IQGAP2: variants seen among roughly 807,000 people sequenced by gnomAD.
The protein encoded by IQGAP2 is IQ motif containing GTPase activating protein 2, also known as ras GTPase-activating-like protein IQGAP2.
IQGAP2 carries 173 observed loss-of-function variants against 201.3 expected under a neutral mutation model. The observed-to-expected ratio is 0.86, with a 90% CI of 0.76 to 0.98. IQGAP2 has a LOEUF of 0.98. Ranked by LOEUF, IQGAP2 falls within the 50% of genes least tolerant of loss-of-function variation. The probability of loss-of-function intolerance (pLI) is 0.00; values close to 1 mark genes in which losing one functional copy is unlikely to be tolerated. For synonymous variants in IQGAP2, 675 were observed against 673.9 expected, an observed-to-expected ratio of 1.00 and a Z score of -0.03; for missense variants, 1,687 against 1,864.8, an observed-to-expected ratio of 0.90 and a Z score of 1.76.
chr5:76,412,298 T>G (rs1222653917), intron 1 of IQGAP2, among the ~76,000 whole-genome samples: 1 of 152,180 alleles, frequency 6.6e-6, no homozygotes, highest in Non-Finnish European at 1.5e-5. Flanking sequence ...AAGGAAGACA[T>G]TTTAATTTTT....
intron 10 of IQGAP2, among the ~76,000 whole-genome samples, chr5:76,598,142 T>C (rs928739992): frequency 1.3e-5 from 2 of 152,170 alleles, no homozygotes; most frequent in African/African-American, 4.8e-5. Flanking sequence ...TGAAAACTAC[T>C]GAAAGCAGAA....
chr5:76,446,246 T>G (rs567073701), intron 1 of IQGAP2, among the ~76,000 whole-genome samples: 1 of 152,244 alleles, frequency 6.6e-6, no homozygotes, highest in South Asian at 2.1e-4. Context: ...ATGTCTAAGT[T>G]TTTGCAGAAT....
chr5:76,647,095 A>G (rs1752103746), intron 17 of IQGAP2, among the ~76,000 whole-genome samples: 2 of 152,138 alleles, frequency 1.3e-5, no homozygotes, highest in African/African-American at 4.8e-5. Flanking sequence ...AGCTTTAAGG[A>G]CTTAAAAATT....
chr5:76,617,627 G>A (rs1749112041), intron 13 of IQGAP2: 1 of 1,613,488 alleles, frequency 6.2e-7, no homozygotes, highest in Non-Finnish European at 8.5e-7. Context: ...TTTTTGACAT[G>A]AGAAAATAAA....
chr5:76,632,825 ACTTTT>A (rs2150386870), intron 15 of IQGAP2, among the ~76,000 whole-genome samples: 1 of 151,552 alleles, frequency 6.6e-6, no homozygotes, highest in Non-Finnish European at 1.5e-5. Flanking sequence ...AAAAAAAAAA[ACTTTT>A]TTAGTCCAAC....
chr5:76,695,462 C>A lies in IQGAP2; in HGVS notation c.4002C>A (p.Asp1334Glu). 6.2e-7 allele frequency: 1 copy of A among 1,613,662 alleles called. No individual in the cohort carries two copies. Among genetic ancestry groups the A allele is most frequent in the East Asian group, 2.2e-5 (1 of 44,872 alleles). ...ETPATAQQEV[D>E]HATDMVSRAM... ...TGATATTCTCTTTTCAGGAGGTAGA[C>A]CATGCCACGGACATGGTGAGCCGTG... The change falls in exon 32 of 36, where the codon GAC (aspartate) becomes GAA (glutamate). Residue 1334 changes from aspartate (D) to glutamate (E), a missense_variant. Asp to Glu is a conservative substitution (Grantham distance 45). Coordinates refer to ENST00000274364, the MANE Select transcript of IQGAP2 (RefSeq NM_006633.5).
At chr5:76,662,621 G>A (rs891095844) in intron 21 of IQGAP2, among the ~76,000 whole-genome samples, 10 of 152,238 alleles carry the variant, frequency 6.6e-5, no homozygotes, top group East Asian at 3.9e-4. Flanking sequence ...CATACATGTC[G>A]CCAGCTATCT....
At chr5:76,499,247 A>T (rs915069390) in intron 2 of IQGAP2, among the ~76,000 whole-genome samples, 1 of 152,086 alleles carries the variant, frequency 6.6e-6, no homozygotes, top group African/African-American at 2.4e-5. Context: ...GCTGCCATAA[A>T]CTTGGTTGTC....
At chr5:76,701,873 C>T (rs13168057) in intron 34 of IQGAP2, 49,612 of 152,568 alleles carry the variant, frequency 0.33, 8,219 homozygotes, top group Non-Finnish European at 0.35. Context: ...TCTCACTCTG[C>T]GGCCCAGGCT....
chr5:76,541,691 T>G (rs184191108), intron 2 of IQGAP2, among the ~76,000 whole-genome samples: 57 of 152,352 alleles, frequency 3.7e-4, no homozygotes, highest in African/African-American at 1.3e-3. Context: ...CATCATTTGT[T>G]ATTTTCTGTT....
At chr5:76,634,678 A>G (rs1419493890) in intron 15 of IQGAP2, among the ~76,000 whole-genome samples, 1 of 152,200 alleles carries the variant, frequency 6.6e-6, no homozygotes, top group Non-Finnish European at 1.5e-5. Flanking sequence ...GTTTTCAGGC[A>G]CGCACAGGAT....
intron 1 of IQGAP2, among the ~76,000 whole-genome samples, chr5:76,457,114 G>A (rs1311839816): frequency 1.3e-5 from 2 of 152,036 alleles, no homozygotes; most frequent in African/African-American, 4.8e-5. Context: ...AGCCTTCCGA[G>A]TAGCTGAGAC....
rs34896356 is a variant in IQGAP2 at position 76,681,089 on chromosome 5, CAAAAAAAAAAAA to C, written c.3661-2010_3661-1999del. Among the ~76,000 whole-genome samples, 64 of 52,982 alleles carry C rather than the reference CAAAAAAAAAAAA, an allele frequency of 1.2e-3. No homozygotes were observed. In the East Asian group the frequency reaches 0.027, roughly 22 times the overall value. The allele number at this position is 52,982 out of a possible 152,430, so 34.8% of individuals were successfully genotyped here. On this transcript the variant is annotated intron_variant, in intron 28 of 35. Transcript: ENST00000274364. The stretch of plus-strand genomic sequence containing the variant: ...TGGGCAGCAGAGCGAGACTTTGTCT[CAAAAAAAAAAAA>C]AAAAAAAAAAAAAAACTTGAGAAAA...
At chr5:76,480,255 A>G (rs1180784946) in intron 2 of IQGAP2, among the ~76,000 whole-genome samples, 1 of 152,148 alleles carries the variant, frequency 6.6e-6, no homozygotes, top group South Asian at 2.1e-4. Flanking sequence ...CATATTTCAC[A>G]TACCCTCTGT....
In IQGAP2 at chr5:76,668,721, C is replaced by A; in HGVS notation, c.2720C>A (p.Pro907Gln). The A allele has an allele frequency of 6.2e-7, 1 of 1,612,040 alleles. No homozygotes were observed. The highest frequency in any genetic ancestry group is 1.1e-5 in the South Asian group (1 of 90,578). ...LYLAKLIFQM[P>Q]QNKSTKFMDT... ...TTGGCTAAGCTGATTTTCCAGATGC[C>A]ACAGAACAAGTCCACTAAATTTATG... The change falls in exon 23 of 36, where the codon CCA becomes CAA. Residue 907 changes from proline (P) to glutamine (Q), a missense_variant. Coordinates refer to ENST00000274364, the MANE Select transcript of IQGAP2 (RefSeq NM_006633.5).
intron 5 of IQGAP2, among the ~76,000 whole-genome samples, chr5:76,577,430 T>C (rs1480975689): frequency 6.6e-6 from 1 of 152,220 alleles, no homozygotes; most frequent in Non-Finnish European, 1.5e-5. Context: ...ATCATAGACA[T>C]CTCCATTACT....
rs1344430879 is a variant in IQGAP2 at position 76,590,509 on chromosome 5, G to A, written c.742G>A (p.Asp248Asn). Residue 248 changes from aspartate (D) to asparagine (N), a missense_variant, in exon 8 of 36, where the codon GAT (aspartate) becomes AAT (asparagine). Physicochemically the swap from Asp to Asn is conservative, Grantham distance 23 (BLOSUM62 1). Transcript: ENST00000274364. ...CCCAAATGCGGTTTTAACTTTAGTG[G>A]ATGACAACCTTGCACCAGAATATCA... is the stretch of plus-strand genomic sequence containing the variant. The part of the protein sequence containing the change: ...RNPNAVLTLV[D>N]DNLAPEYQKE... 2 of 1,613,924 alleles carry A rather than the reference G, an allele frequency of 1.2e-6. No homozygotes were observed. Among genetic ancestry groups the A allele is most frequent in the Non-Finnish European group, 8.5e-7 (1 of 1,179,908 alleles).
chr5:76,583,874 A>AT (rs5868832), intron 5 of IQGAP2, among the ~76,000 whole-genome samples: 2,245 of 147,668 alleles, frequency 0.015, 52 homozygotes, highest in African/African-American at 0.052. Context: ...GGTAGAGAAA[A>AT]TTTTTTTTTT....
chr5:76,469,119 T>C (rs1369424101), intron 2 of IQGAP2, among the ~76,000 whole-genome samples: 1 of 152,198 alleles, frequency 6.6e-6, no homozygotes, highest in Non-Finnish European at 1.5e-5. Context: ...AATCTTTGTT[T>C]CACTGGAAAA....
Sources: gnomAD v4.1 joint callset for allele counts (sites outside exome capture counted in the v4.1 genomes callset) on GRCh38, gnomAD v4.1.1 for gene constraint, MANE v1.5 for transcripts, NCBI Gene and HGNC (gene_info 2026-07-23, HGNC 2026-07-21) for gene names.